Variants in KCNJ5 observed in about 807,000 individuals in gnomAD.
The protein encoded by KCNJ5 is potassium inwardly rectifying channel subfamily J member 5.
Under a neutral mutation model 20.2 loss-of-function variants are expected in KCNJ5, and 12 were observed. The observed-to-expected ratio is 0.59, with a 90% CI of 0.38 to 0.96. KCNJ5 has a LOEUF of 0.96. Among genes scored for constraint, KCNJ5 ranks in the 40% least tolerant of loss-of-function variants. The pLI, the probability that KCNJ5 is intolerant of heterozygous loss-of-function variation, is 0.00. For missense variants in KCNJ5, 449 were observed against 557.6 expected (o/e 0.81, Z 1.96); for synonymous variants, 210 against 213.9 (o/e 0.98, Z 0.16).
intron 1 of KCNJ5, among the ~76,000 whole-genome samples, chr11:128,910,366 C>A (rs1944477891): frequency 6.6e-6 from 1 of 152,168 alleles, no homozygotes; most frequent in South Asian, 2.1e-4. Context: ...GACAGGGAAT[C>A]AAATTTTCTA....
chr11:128,907,663 T>C (rs1239003714), intron 1 of KCNJ5, among the ~76,000 whole-genome samples: 1 of 152,232 alleles, frequency 6.6e-6, no homozygotes, highest in African/African-American at 2.4e-5. Context: ...TGAGGCTTAA[T>C]AGGATTTGCT....
At chr11:128,904,344 C>A in intron 1 of KCNJ5, 1 of 1,564,404 alleles carries the variant, frequency 6.4e-7, no homozygotes, top group Non-Finnish European at 8.7e-7. Context: ...CTCTCTACTG[C>A]ACTGATTTTT....
chr11:128,911,244 G>A lies in KCNJ5; in HGVS notation c.-10-20G>A, dbSNP rs776573681. ...AATCAGAACAGCCCACTTCACTGATGGTGTCTTTTTAACTCAAAGCATCCC... is the reference window on the plus strand; with the variant it reads ...AATCAGAACAGCCCACTTCACTGATAGTGTCTTTTTAACTCAAAGCATCCC... On this transcript the variant is annotated intron_variant, in intron 1 of 2. Transcript: ENST00000529694. The surrounding 1 kb of genome is among the most constrained non-coding windows in gnomAD (Gnocchi z 6.3). The A allele has an allele frequency of 1.3e-6, 2 of 1,594,568 alleles. No individual in the cohort carries two copies. The highest frequency in any genetic ancestry group is 1.7e-6 in the Non-Finnish European group (2 of 1,162,850).
At chr11:128,897,021 T>C (rs2135983307) in intron 1 of KCNJ5, among the ~76,000 whole-genome samples, 1 of 152,250 alleles carries the variant, frequency 6.6e-6, no homozygotes, top group African/African-American at 2.4e-5. Flanking sequence ...CACTATTTCT[T>C]ATTTTAGCCA....
Position 128,916,792 on chromosome 11 carries a change from C to G in KCNJ5, c.*61C>G. On this transcript the variant is annotated 3_prime_UTR_variant, in exon 3 of 3. Coordinates refer to ENST00000529694, the MANE Select transcript of KCNJ5 (RefSeq NM_000890.5). ...TTCAGTGAACACAGACACTGCAGAG[C>G]CTGGGAGCAGGGGAGGGGAATAGTT... 7.7e-7 allele frequency: 1 copy of G among 1,301,920 alleles called. No individual in the cohort carries two copies. The highest frequency in any genetic ancestry group is 1.1e-6 in the Non-Finnish European group (1 of 938,612). 80.6% of individuals were successfully genotyped at this position (1,301,920 alleles called of 1,614,324 possible). A position where few individuals can be genotyped will look rare whatever the true frequency, so the allele number is the denominator to read the frequency against.
intron 1 of KCNJ5, among the ~76,000 whole-genome samples, chr11:128,898,340 G>A (rs1375218063): frequency 1.3e-5 from 2 of 152,178 alleles, no homozygotes; most frequent in Non-Finnish European, 2.9e-5. Context: ...TTGGCATTTT[G>A]TAATTGTCAG....
At chr11:128,906,918 C>T (rs1391837689) in intron 1 of KCNJ5, among the ~76,000 whole-genome samples, 2 of 152,136 alleles carry the variant, frequency 1.3e-5, no homozygotes, top group African/African-American at 4.8e-5. Flanking sequence ...GGAATTCTGC[C>T]TACTTACAAG....
chr11:128,910,188 A>C (rs2135997546), intron 1 of KCNJ5, among the ~76,000 whole-genome samples: 1 of 152,294 alleles, frequency 6.6e-6, no homozygotes, highest in East Asian at 1.9e-4. Flanking sequence ...TTCCCAACTG[A>C]ATGAGAGTCT....
At position 128,916,243 on chromosome 11, in the gene KCNJ5, T is replaced by TGG. The variant is rs1463319797; in HGVS notation, c.938-166_938-165insGG. Among the ~76,000 whole-genome samples, 1,382 of 67,490 alleles carry TGG rather than the reference T, an allele frequency of 0.02. 28 individuals are homozygous for TGG. Among genetic ancestry groups the TGG allele is most frequent in the African/African-American group, 0.094 (1,328 of 14,112 alleles). The allele number at this position is 67,490 out of a possible 152,430, so 44.3% of individuals were successfully genotyped here. ...ATGGATGGTTGGATGGATAGATGAT[T>TGG]AGATGGATGGATGGATGGATGGATG... is the stretch of plus-strand genomic sequence containing the variant. On this transcript the variant is annotated intron_variant, in intron 2 of 2. Transcript: ENST00000529694.
chr11:128,915,986 TTG>T (rs1565554226), intron 2 of KCNJ5, among the ~76,000 whole-genome samples: 13 of 132,488 alleles, frequency 9.8e-5, no homozygotes, highest in African/African-American at 2.3e-4. Flanking sequence ...GGATGGATGA[TTG>T]GATGGATGGA....
intron 1 of KCNJ5, among the ~76,000 whole-genome samples, chr11:128,894,285 C>T (rs7924416): frequency 0.21 from 31,736 of 151,904 alleles, 3,810 homozygotes; most frequent in Non-Finnish European, 0.27. Flanking sequence ...GTTGGGGCAG[C>T]GTTATGCTTT....
chr11:128,907,075 A>G lies in KCNJ5; in HGVS notation c.-10-4189A>G, dbSNP rs190577920. ...AGCATTTTCCTATGAGTACAGTCAT[A>G]TATATTCCCACAGAAGAGTATACAA... is the stretch of plus-strand genomic sequence containing the variant. On this transcript the variant is annotated intron_variant, in intron 1 of 2. Transcript: ENST00000529694. Among the ~76,000 whole-genome samples, 257 of 152,316 alleles carry G rather than the reference A, an allele frequency of 1.7e-3. 2 individuals carry two copies. Among genetic ancestry groups the G allele is most frequent in the African/African-American group, 5.8e-3 (243 of 41,570 alleles).
intron 1 of KCNJ5, among the ~76,000 whole-genome samples, chr11:128,895,388 C>G (rs974209439): frequency 6.8e-6 from 1 of 147,554 alleles, no homozygotes; most frequent in African/African-American, 2.6e-5. Flanking sequence ...CCCCACCCCC[C>G]CCCCAACCCC....
intron 1 of KCNJ5, among the ~76,000 whole-genome samples, chr11:128,898,605 C>T (rs1944213431): frequency 6.6e-6 from 1 of 152,266 alleles, no homozygotes; most frequent in Non-Finnish European, 1.5e-5. Flanking sequence ...TTACACTTCA[C>T]TTTGTCTTTC....
rs886047994 is a variant in KCNJ5 at position 128,891,435 on chromosome 11, C to CAGAGAGAGAGAGAGAG, written c.-296_-295insGAGAGAGAGAGAGAGA. ...ACACACACACACACACACACACACA[C>CAGAGAGAGAGAGAGAG]ACACACAGAGAGAGAGAGAGAGAGA... On this transcript the variant is annotated 5_prime_UTR_variant, in exon 1 of 3. Coordinates refer to ENST00000529694, the MANE Select transcript of KCNJ5 (RefSeq NM_000890.5). The CAGAGAGAGAGAGAGAG allele has an allele frequency of 2.6e-4, 22 of 85,162 alleles. No individual in the cohort carries two copies. The South Asian group carries it at 3.0e-3, about 12-fold the overall frequency. The allele number at this position is 85,162 out of a possible 1,614,324, so 5.3% of individuals were successfully genotyped here. A position where few individuals can be genotyped will look rare whatever the true frequency, so the allele number is the denominator to read the frequency against.
intron 1 of KCNJ5, among the ~76,000 whole-genome samples, chr11:128,895,384 C>T (rs554545059): frequency 4.5e-5 from 2 of 44,724 alleles, no homozygotes; most frequent in African/African-American, 2.1e-4. Flanking sequence ...GTGCCCCCAC[C>T]CCCCCCCCAA....
chr11:128,907,530 A>G (rs912223287), intron 1 of KCNJ5, among the ~76,000 whole-genome samples: 1 of 152,250 alleles, frequency 6.6e-6, no homozygotes, highest in African/African-American at 2.4e-5. Context: ...TTCCTATCAA[A>G]GGGATTAAAC....
Position 128,912,196 on chromosome 11 carries a change from T to G in KCNJ5, c.923T>G (p.Met308Arg), listed in dbSNP as rs750690159. 1.1e-5 allele frequency: 17 copies of G among 1,602,876 alleles called. No homozygotes were observed. The South Asian group carries it at 1.8e-4, about 17-fold the overall frequency. ...EFEVVVILEG[M>R]VEATGMTCQA... is the part of the protein sequence containing the mutation. ...GAAGTTGTGGTCATTCTAGAAGGGA[T>G]GGTGGAAGCCACAGGTAAGGCGCTT... The change falls in exon 2 of 3, where the codon ATG (methionine) becomes AGG (arginine). Residue 308 changes from methionine to arginine, a missense_variant. By Grantham distance (91) the Met-to-Arg change is moderately conservative (BLOSUM62 -1). Coordinates refer to ENST00000529694, the MANE Select transcript of KCNJ5 (RefSeq NM_000890.5).
At chr11:128,893,118 G>A (rs1773950840) in intron 1 of KCNJ5, among the ~76,000 whole-genome samples, 1 of 152,224 alleles carries the variant, frequency 6.6e-6, no homozygotes, top group Non-Finnish European at 1.5e-5. Flanking sequence ...GAACGAACAG[G>A]GCAGAGCAAA....
Sources: allele counts gnomAD v4.1 joint callset (sites outside exome capture counted in the v4.1 genomes callset), GRCh38; gene constraint gnomAD v4.1.1; non-coding constraint Gnocchi (gnomAD v3.1); transcripts MANE v1.5; gene names NCBI Gene and HGNC (gene_info 2026-07-23, HGNC 2026-07-21).